Variants in ATP6V1H observed in about 807,000 individuals in gnomAD.
ATP6V1H encodes the protein V-type proton ATPase subunit H.
Under a neutral mutation model 71.7 loss-of-function variants are expected in ATP6V1H, and 39 were observed. That is an observed-to-expected ratio of 0.54 (90% confidence interval 0.42 to 0.71). ATP6V1H has a LOEUF of 0.71. ATP6V1H is among the 30% of genes least tolerant of loss of function. ATP6V1H has a pLI of 0.00. For synonymous variants in ATP6V1H, 192 were observed against 199.3 expected (o/e 0.96, Z 0.31); for missense variants, 509 against 594.9 (o/e 0.86, Z 1.50).
At chr8:53,810,317 G>A (rs1013728254) in intron 7 of ATP6V1H, among the ~76,000 whole-genome samples, 2 of 152,182 alleles carry the variant, frequency 1.3e-5, no homozygotes, top group Non-Finnish European at 2.9e-5. Context: ...TATTCCTAGA[G>A]CACAGCAAAG....
chr8:53,768,486 CAA>C (rs1410322973), intron 11 of ATP6V1H, among the ~76,000 whole-genome samples: 1 of 152,084 alleles, frequency 6.6e-6, no homozygotes, highest in Non-Finnish European at 1.5e-5. Flanking sequence ...ACTCATACCA[CAA>C]GTATTATTGG....
intron 12 of ATP6V1H, among the ~76,000 whole-genome samples, chr8:53,748,858 T>G (rs1322704156): frequency 2.6e-5 from 4 of 152,248 alleles, no homozygotes; most frequent in Non-Finnish European, 5.9e-5. Context: ...TTAAACCAGT[T>G]TGGTCAATAA....
At chr8:53,763,954 A>G (rs984031398) in intron 11 of ATP6V1H, among the ~76,000 whole-genome samples, 2 of 152,234 alleles carry the variant, frequency 1.3e-5, no homozygotes, top group South Asian at 4.1e-4. Context: ...GTCTTATGGA[A>G]GTTAGGTGGC....
At chr8:53,809,566 T>C (rs1810206445) in intron 7 of ATP6V1H, among the ~76,000 whole-genome samples, 1 of 152,222 alleles carries the variant, frequency 6.6e-6, no homozygotes, top group East Asian at 1.9e-4. Context: ...GTAAATCACT[T>C]AGACCAACAC....
chr8:53,792,184 A>T (rs543683121), intron 9 of ATP6V1H, among the ~76,000 whole-genome samples: 1 of 152,330 alleles, frequency 6.6e-6, no homozygotes, highest in East Asian at 1.9e-4. Flanking sequence ...GAGCAGAGCC[A>T]CCATGGTGAG....
At chr8:53,744,104 C>T (rs1283057197) in intron 12 of ATP6V1H, among the ~76,000 whole-genome samples, 1 of 151,940 alleles carries the variant, frequency 6.6e-6, no homozygotes, top group African/African-American at 2.4e-5. Flanking sequence ...CACCAGTGAC[C>T]GTGCTGCGTG....
intron 2 of ATP6V1H, among the ~76,000 whole-genome samples, chr8:53,839,103 AAC>A (rs1389534613): frequency 6.6e-6 from 1 of 152,250 alleles, no homozygotes; most frequent in Non-Finnish European, 1.5e-5. Flanking sequence ...AAAACGGGAA[AAC>A]ACAACATGTC....
At chr8:53,818,649 C>T (rs758551504) in intron 4 of ATP6V1H, among the ~76,000 whole-genome samples, 3 of 152,152 alleles carry the variant, frequency 2.0e-5, no homozygotes, top group African/African-American at 7.2e-5. Context: ...ATAAAGAAAT[C>T]TTTCCGGTCA....
At position 53,791,879 on chromosome 8, in the gene ATP6V1H, C is replaced by A. The variant is rs569731582; in HGVS notation, c.870+3768G>T. Reference sequence around the variant, plus strand: ...GCTCTATGTTGGTCATCTGTGTCCCCGAATAATTAGCACAGCCCCTGGCAC... The same window carrying A: ...GCTCTATGTTGGTCATCTGTGTCCCAGAATAATTAGCACAGCCCCTGGCAC... On this transcript the variant is annotated intron_variant, in intron 9 of 13. Coordinates refer to ENST00000359530, the MANE Select transcript of ATP6V1H (RefSeq NM_015941.4). Among the ~76,000 whole-genome samples, 10 of 152,256 alleles carry A rather than the reference C, an allele frequency of 6.6e-5. No individual in the cohort carries two copies. The South Asian group carries it at 2.1e-3, about 32-fold the overall frequency.
intron 6 of ATP6V1H, among the ~76,000 whole-genome samples, 165 bp from the exon 7 acceptor site, chr8:53,811,382 T>TA (rs1393635756): frequency 1.3e-5 from 2 of 152,194 alleles, no homozygotes; most frequent in Admixed American, 6.5e-5. Flanking sequence ...GGGGATGACA[T>TA]AAAATGTTCT....
At chr8:53,811,319 G>T in intron 6 of ATP6V1H, 102 bp from the exon 7 acceptor site, 1 of 908,008 alleles carries the variant, frequency 1.1e-6, no homozygotes, top group Non-Finnish European at 1.7e-6. Context: ...CTAATTCTAT[G>T]TAATAATTTT....
At chr8:53,783,078 CCT>C (rs1437984231) in intron 9 of ATP6V1H, among the ~76,000 whole-genome samples, 2 of 151,990 alleles carry the variant, frequency 1.3e-5, no homozygotes, top group African/African-American at 2.4e-5. Context: ...GGGAGGATTC[CCT>C]CTTTTTCTAT....
At chr8:53,739,036 T>C (rs781252330) in intron 13 of ATP6V1H, among the ~76,000 whole-genome samples, 9 of 152,114 alleles carry the variant, frequency 5.9e-5, no homozygotes, top group East Asian at 1.9e-4. Context: ...GTCATAATAA[T>C]GTGGAAAATT....
intron 9 of ATP6V1H, among the ~76,000 whole-genome samples, chr8:53,776,383 G>A (rs1468608941): frequency 6.6e-6 from 1 of 152,194 alleles, no homozygotes; most frequent in Non-Finnish European, 1.5e-5. Context: ...CTCAAGTGCC[G>A]CCAAAGTAGG....
chr8:53,735,700 G>T (rs1807179394), intron 13 of ATP6V1H, among the ~76,000 whole-genome samples: 1 of 152,124 alleles, frequency 6.6e-6, no homozygotes, highest in African/African-American at 2.4e-5. Context: ...GCCATACAAA[G>T]TGTTCATAAT....
At chr8:53,841,546 C>T (rs766679863) in intron 2 of ATP6V1H, 32 bp downstream of exon 2, 1 of 1,609,830 alleles carries the variant, frequency 6.2e-7, no homozygotes, top group Non-Finnish European at 8.5e-7. Flanking sequence ...AAGCATATGA[C>T]TGTCCATGAT....
At chr8:53,802,032 C>T (rs1809926322) in intron 7 of ATP6V1H, 136 bp from the exon 8 acceptor site, 1 of 690,240 alleles carries the variant, frequency 1.4e-6, no homozygotes, top group Admixed American at 3.1e-5. Flanking sequence ...AATCTCTTTT[C>T]AAAAGTTAAT....
At chr8:53,815,129 C>A (rs890505422) in intron 5 of ATP6V1H, among the ~76,000 whole-genome samples, 4 of 152,092 alleles carry the variant, frequency 2.6e-5, no homozygotes, top group African/African-American at 9.7e-5. Context: ...GAATTCTAAG[C>A]AATCTCTTCA....
intron 7 of ATP6V1H, among the ~76,000 whole-genome samples, chr8:53,802,893 C>T (rs1809960258): frequency 6.6e-6 from 1 of 152,238 alleles, no homozygotes. Context: ...AACATTGTCC[C>T]TTAGAAATTG....
Sources: gnomAD v4.1 joint callset for allele counts (sites outside exome capture counted in the v4.1 genomes callset) on GRCh38, gnomAD v4.1.1 for gene constraint, MANE v1.5 for transcripts, NCBI Gene and HGNC (gene_info 2026-07-23, HGNC 2026-07-21) for gene names.